Variants in TBCD observed in about 807,000 individuals in gnomAD.
The protein encoded by TBCD is tubulin-specific chaperone D.
TBCD carries 105 observed loss-of-function variants against 169.3 expected under a neutral mutation model. The ratio of observed to expected loss-of-function variants is 0.62; its 90% CI spans 0.53 to 0.73. The LOEUF (loss-of-function observed/expected upper bound fraction) is 0.73. Among genes scored for constraint, TBCD ranks in the 30% least tolerant of loss-of-function variants. TBCD has a pLI of 0.00. For synonymous variants in TBCD, 700 were observed against 643.9 expected, an observed-to-expected ratio of 1.09 and a Z score of -1.32; for missense variants, 1,444 against 1,600.1, an observed-to-expected ratio of 0.90 and a Z score of 1.66.
chr17:82,929,883 C>T (rs2062056773), intron 32 of TBCD: 1 of 389,138 alleles, frequency 2.6e-6, no homozygotes, highest in Admixed American at 3.7e-5. Context: ...GGCCCAGCTT[C>T]TCATGTCTGT....
chr17:82,917,009 T>G (rs1014625079), intron 23 of TBCD, among the ~76,000 whole-genome samples: 2 of 103,886 alleles, frequency 1.9e-5, no homozygotes, highest in African/African-American at 7.4e-5. Flanking sequence ...TGGACTTTTT[T>G]TTTTCTTTTC....
At chr17:82,757,387 G>A (rs2047458454) in intron 2 of TBCD, among the ~76,000 whole-genome samples, 1 of 152,136 alleles carries the variant, frequency 6.6e-6, no homozygotes, top group Non-Finnish European at 1.5e-5. Context: ...TTGGGAGGTG[G>A]AGGCGGGTGG....
At chr17:82,877,262 A>G (rs1265884520) in intron 14 of TBCD, among the ~76,000 whole-genome samples, 1 of 152,234 alleles carries the variant, frequency 6.6e-6, no homozygotes, top group East Asian at 1.9e-4. Flanking sequence ...ACTCTTGTTC[A>G]TATGGTAAAT....
Position 82,782,775 on chromosome 17 carries a change from C to T in TBCD, c.771+1054C>T, listed in dbSNP as rs537694547. On this transcript the variant is annotated intron_variant, in intron 7 of 38. Transcript: ENST00000355528. The surrounding 1 kb of genome is among the most constrained non-coding windows in gnomAD (Gnocchi z 5.1). ...CGCGGCATTGTCTTCCTATCCGCGG[C>T]GTTGTCTTCCTGTCTGTGGCGTCGT... is the stretch of plus-strand genomic sequence containing the variant. 1.8e-4 allele frequency among the ~76,000 whole-genome samples: 27 copies of T among 151,222 alleles called. No homozygotes were observed. In the East Asian group the frequency reaches 5.1e-3, roughly 29 times the overall value.
At chr17:82,872,370 A>C (rs1163437707) in intron 14 of TBCD, among the ~76,000 whole-genome samples, 1 of 152,092 alleles carries the variant, frequency 6.6e-6, no homozygotes, top group African/African-American at 2.4e-5. Flanking sequence ...CCCAGTGGCC[A>C]CTCTGGCAGC....
At chr17:82,791,489 C>T (rs1568138095) in intron 7 of TBCD, among the ~76,000 whole-genome samples, 2 of 152,108 alleles carry the variant, frequency 1.3e-5, no homozygotes, top group Non-Finnish European at 2.9e-5. Context: ...CGCTGCTCCT[C>T]TCTTCTGTGG....
chr17:82,933,802 A>G (rs10445244), intron 34 of TBCD, among the ~76,000 whole-genome samples: 76,037 of 151,402 alleles, frequency 0.5, 19,202 homozygotes, highest in East Asian at 0.65. Context: ...TAGTAGATAC[A>G]GGGTTTCACC....
Position 82,927,262 on chromosome 17 carries a change from T to G in TBCD, c.2548T>G (p.Cys850Gly). ...CGGAGAGAATGTTTCCCAGATTTAC[T>G]GTGCGCTGCTGGGCTGCATGGACGA... Reference protein sequence around the residue: ...VCGENVSQIYCALLGCMDDYT... With the variant: ...VCGENVSQIYGALLGCMDDYT... Residue 850 changes from cysteine to glycine, a missense_variant, in exon 29 of 39, where the codon TGT becomes GGT. Cys to Gly is a radical substitution (Grantham distance 159). Transcript: ENST00000355528. 6.2e-7 allele frequency: 1 copy of G among 1,614,044 alleles called. No individual in the cohort carries two copies. The highest frequency in any genetic ancestry group is 8.5e-7 in the Non-Finnish European group (1 of 1,179,906).
intron 2 of TBCD, among the ~76,000 whole-genome samples, chr17:82,758,398 A>ATAAAT (rs1470112919): frequency 2.1e-5 from 3 of 140,778 alleles, no homozygotes; most frequent in Non-Finnish European, 3.0e-5. Context: ...AAAAAAAAAA[A>ATAAAT]AAAAATAAAT....
intron 13 of TBCD, among the ~76,000 whole-genome samples, chr17:82,856,260 A>G (rs1299063660): frequency 6.6e-6 from 1 of 152,024 alleles, no homozygotes; most frequent in Non-Finnish European, 1.5e-5. Flanking sequence ...GCAAGAATAT[A>G]AAAAGATTAA....
intron 22 of TBCD, among the ~76,000 whole-genome samples, chr17:82,909,881 C>T (rs2060506849): frequency 6.6e-6 from 1 of 152,198 alleles, no homozygotes. Flanking sequence ...GCCTTTGCAG[C>T]CCAGGCAGCC....
At chr17:82,892,740 T>G (rs2059228010) in intron 16 of TBCD, among the ~76,000 whole-genome samples, 1 of 152,166 alleles carries the variant, frequency 6.6e-6, no homozygotes, top group South Asian at 2.1e-4. Flanking sequence ...CCTGCTGTGG[T>G]TTATAGCTGT....
intron 12 of TBCD, among the ~76,000 whole-genome samples, chr17:82,811,418 T>C (rs2051434266): frequency 6.6e-6 from 1 of 152,262 alleles, no homozygotes; most frequent in African/African-American, 2.4e-5. Flanking sequence ...GCTGGTTTAA[T>C]CTTCAGGTGC....
chr17:82,836,347 G>A (rs1305183576), intron 13 of TBCD, among the ~76,000 whole-genome samples: 2 of 152,200 alleles, frequency 1.3e-5, no homozygotes, highest in East Asian at 1.9e-4. Flanking sequence ...GATGTGTTAC[G>A]GCAGGGATCT....
chr17:82,800,623 T>C (rs774321111), intron 8 of TBCD, among the ~76,000 whole-genome samples: 1 of 152,106 alleles, frequency 6.6e-6, no homozygotes, highest in South Asian at 2.1e-4. Flanking sequence ...CCCCTTCAGA[T>C]TGGCTCCCTG....
chr17:82,867,878 G>A (rs941484713), intron 13 of TBCD, among the ~76,000 whole-genome samples: 6 of 152,208 alleles, frequency 3.9e-5, no homozygotes, highest in African/African-American at 9.7e-5. Flanking sequence ...GCCTCCTGCC[G>A]GTGATGGTGC....
At chr17:82,830,224 T>C in intron 13 of TBCD, 2 of 1,614,230 alleles carry the variant, frequency 1.2e-6, no homozygotes, top group Non-Finnish European at 1.7e-6. Flanking sequence ...TTGCTGGGAT[T>C]TTCCAGCATC....
chr17:82,846,261 CTCTGTGCTGTGT>C (rs1598891891), intron 13 of TBCD, among the ~76,000 whole-genome samples: 2,137 of 145,608 alleles, frequency 0.015, 53 homozygotes, highest in Middle Eastern at 0.04. Context: ...GCGCTGCGTC[CTCTGTGCTGTGT>C]CCTCTTGTCC....
chr17:82,880,947 T>G lies in TBCD; in HGVS notation c.1476-3198T>G, dbSNP rs2058312131. Among the ~76,000 whole-genome samples, 1 of 152,028 alleles carries G rather than the reference T, an allele frequency of 6.6e-6. No homozygotes were observed. The highest frequency in any genetic ancestry group is 2.1e-4 in the South Asian group (1 of 4,818). On this transcript the variant is annotated intron_variant, in intron 14 of 38. Coordinates refer to ENST00000355528, the MANE Select transcript of TBCD (RefSeq NM_005993.5). The surrounding 1 kb of genome is among the most constrained non-coding windows in gnomAD (Gnocchi z 5.0). Reference sequence around the variant, plus strand: ...GAACTCGGGGAAGGAGGCCGTGTACTCCCATAGCTCTGGGCTCTGTTTGTG... The same window carrying G: ...GAACTCGGGGAAGGAGGCCGTGTACGCCCATAGCTCTGGGCTCTGTTTGTG...
Sources: allele counts gnomAD v4.1 joint callset (sites outside exome capture counted in the v4.1 genomes callset), GRCh38; gene constraint gnomAD v4.1.1; non-coding constraint Gnocchi (gnomAD v3.1); transcripts MANE v1.5; gene names NCBI Gene and HGNC (gene_info 2026-07-23, HGNC 2026-07-21).